The following POMGNT1 variants were observed in gnomAD, a reference collection of about 807,000 sequenced individuals.
POMGNT1 encodes the protein protein O-linked mannose N-acetylglucosaminyltransferase 1 (beta 1,2-), also known as protein O-linked-mannose beta-1,2-N-acetylglucosaminyltransferase 1.
POMGNT1 carries 67 observed loss-of-function variants against 95.6 expected under a neutral mutation model. The observed-to-expected ratio is 0.70, with a 90% CI of 0.58 to 0.86. The LOEUF is 0.86. Among genes scored for constraint, POMGNT1 ranks in the 40% least tolerant of loss-of-function variants. POMGNT1 has a pLI of 0.00. For missense variants in POMGNT1, 719 were observed against 855.2 expected (o/e 0.84, Z 1.99); for synonymous variants, 298 against 317.9 (o/e 0.94, Z 0.66).
chr1:46,196,684 C>T lies in POMGNT1; in HGVS notation c.354+47G>A, dbSNP rs1055863201. The T allele has an allele frequency of 3.1e-6, 5 of 1,613,352 alleles. No homozygotes were observed. The African/African-American group carries it at 5.3e-5, about 17-fold the overall frequency. ...TAGACCCTGCTGCCAGTGGACCATGCCCTGAGCAGAATAGAGTGACTGTAC... is the reference window on the plus strand; with the variant it reads ...TAGACCCTGCTGCCAGTGGACCATGTCCTGAGCAGAATAGAGTGACTGTAC... On this transcript the variant is annotated intron_variant, in intron 4 of 21. Transcript: ENST00000371984. This position sits in a 1 kb window ranked among gnomAD's most constrained non-coding sequence, Gnocchi z 4.4.
At position 46,189,880 on chromosome 1, in the gene POMGNT1, A is replaced by T. The variant is rs768656233; in HGVS notation, c.1759T>A (p.Phe587Ile). 1 of 1,613,940 alleles carries T rather than the reference A, an allele frequency of 6.2e-7. No homozygotes were observed. The highest frequency in any genetic ancestry group is 1.1e-5 in the South Asian group (1 of 90,954). The part of the protein sequence containing the change: ...AFIRMEKDDD[F>I]TTWTQLAKCL... ...TTGGCAAGCTGGGTCCAGGTGGTGA[A>T]GTCATCATCTTTCTCCATTCGAATA... is the stretch of plus-strand genomic sequence containing the variant. The change falls in exon 20 of 22, where the codon TTC becomes ATC. Residue 587 changes from phenylalanine (F) to isoleucine (I), a missense_variant. Physicochemically the swap from Phe to Ile is conservative, Grantham distance 21. This residue lies in a region of POMGNT1 where 130 missense variants were observed against 149.2 expected (regional missense o/e 0.87). Transcript: ENST00000371984.
Position 46,211,074 on chromosome 1 carries a change from C to T in POMGNT1, c.-51+8631G>A, listed in dbSNP as rs558722233. ...GGATTACAGGCTTAAGCCACTGTGC[C>T]TGGTCCTTTGGGCCTTTTAAAGAGA... On this transcript the variant is annotated intron_variant, in intron 1 of 22. Transcript: ENST00000371992. 3.6e-4 allele frequency among the ~76,000 whole-genome samples: 55 copies of T among 152,200 alleles called. 1 individual carries two copies. The highest frequency in any genetic ancestry group is 1.3e-3 in the African/African-American group (53 of 41,520).
At chr1:46,204,242 C>G (rs1658642914) in intron 1 of POMGNT1, among the ~76,000 whole-genome samples, 1 of 152,220 alleles carries the variant, frequency 6.6e-6, no homozygotes, top group South Asian at 2.1e-4. Flanking sequence ...TCGCCTCAGA[C>G]TCAGTCTCCT....
rs1657524869 is a variant in POMGNT1, at chr1:46,188,928, T to G, written c.*342A>C. 6.2e-7 allele frequency: 1 copy of G among 1,612,728 alleles called. No homozygotes were observed. Among genetic ancestry groups the G allele is most frequent in the African/African-American group, 1.3e-5 (1 of 74,918 alleles). On this transcript the variant is annotated 3_prime_UTR_variant, in exon 22 of 22. Coordinates refer to ENST00000371984, the MANE Select transcript of POMGNT1 (RefSeq NM_017739.4). Reference sequence around the variant, plus strand: ...AAATCCAGGCCCTCCAGGTTCGGCCTGTTTTCAAGGCCCTCAGGACAGTCA... The same window carrying G: ...AAATCCAGGCCCTCCAGGTTCGGCCGGTTTTCAAGGCCCTCAGGACAGTCA...
At chr1:46,212,426 G>A (rs1200749909) in intron 1 of POMGNT1, among the ~76,000 whole-genome samples, 1 of 150,242 alleles carries the variant, frequency 6.7e-6, no homozygotes, top group African/African-American at 2.5e-5. Context: ...GACTACAGGC[G>A]TACACTGCCA....
chr1:46,204,992 T>G (rs1464600820), intron 1 of POMGNT1, among the ~76,000 whole-genome samples: 1 of 152,076 alleles, frequency 6.6e-6, no homozygotes, highest in African/African-American at 2.4e-5. Flanking sequence ...GCATGGTGGC[T>G]CACGCCTGTA....
intron 1 of POMGNT1, among the ~76,000 whole-genome samples, chr1:46,210,524 CT>C (rs1658859489): frequency 1.3e-5 from 2 of 152,160 alleles, no homozygotes; most frequent in Non-Finnish European, 2.9e-5. Context: ...GCCTCCTGAC[CT>C]TCTGACCAAC....
At chr1:46,203,291 GCGCCCTCCTCCCGCCCC>G, upstream of POMGNT1, 1 of 550,304 alleles carries the variant, frequency 1.8e-6, no homozygotes, top group Non-Finnish European at 3.0e-6. Flanking sequence ...GAGTGTTACG[GCGCCCTCCTCCCGCCCC>G]CGCGCCGCGC....
chr1:46,197,649 G>T (rs1571672263), intron 2 of POMGNT1, 53 bp downstream of exon 2: 2 of 1,611,004 alleles, frequency 1.2e-6, no homozygotes, highest in South Asian at 2.2e-5. Flanking sequence ...ATTTAGGTGG[G>T]GAGGAAGCTG....
intron 1 of POMGNT1, among the ~76,000 whole-genome samples, chr1:46,206,255 T>G (rs1408586161): frequency 6.6e-6 from 1 of 152,166 alleles, no homozygotes; most frequent in Non-Finnish European, 1.5e-5. Context: ...GGCCTCAGTT[T>G]TTCCTCCTTT....
chr1:46,193,440 C>A, intron 11 of POMGNT1, 52 bp from the exon 12 acceptor site: 1 of 1,604,936 alleles, frequency 6.2e-7, no homozygotes, highest in Non-Finnish European at 8.5e-7. Flanking sequence ...CCTCTGCCCA[C>A]CTCTGCAATC....
At chr1:46,216,136 C>T (rs2148251657) in intron 1 of POMGNT1, among the ~76,000 whole-genome samples, 2 of 150,570 alleles carry the variant, frequency 1.3e-5, no homozygotes, top group East Asian at 3.9e-4. Context: ...AGGCTCCGCC[C>T]CCCAGGTTCA....
chr1:46,213,727 A>T (rs1351483038), intron 1 of POMGNT1, among the ~76,000 whole-genome samples: 2 of 152,020 alleles, frequency 1.3e-5, no homozygotes, highest in Non-Finnish European at 2.9e-5. Context: ...CTCTACAAAA[A>T]CTTTAAAAAG....
chr1:46,212,386 T>G (rs1288644140), intron 1 of POMGNT1, among the ~76,000 whole-genome samples: 1 of 151,734 alleles, frequency 6.6e-6, no homozygotes, highest in African/African-American at 2.4e-5. Context: ...GTTCATGCCA[T>G]TCTCCTGCCT....
intron 17 of POMGNT1, 38 bp from the exon 18 acceptor site, chr1:46,190,822 T>C: frequency 2.6e-6 from 4 of 1,560,570 alleles, no homozygotes; most frequent in Non-Finnish European, 3.5e-6. Context: ...GCACCTCACA[T>C]TGTCTGGCCC....
In POMGNT1 at chr1:46,193,868, T is replaced by G. The variant is rs775687430; in HGVS notation, c.937A>C (p.Asn313His). ...PVAVIAGNRP[N>H]YLYRMLRSLL... ...TCCCAGGCTTACCTGTACAGGTAAT[T>G]GGGTCGGTTCCCTGCAATGACAGCC... is the stretch of plus-strand genomic sequence containing the variant. The change falls in exon 10 of 22, where the codon AAT becomes CAT. Residue 313 changes from asparagine (N) to histidine (H), a missense_variant. By Grantham distance (68) the Asn-to-His change is moderately conservative. Coordinates refer to ENST00000371984, the MANE Select transcript of POMGNT1 (RefSeq NM_017739.4). 2.5e-6 allele frequency: 4 copies of G among 1,614,100 alleles called. No individual in the cohort carries two copies. The Admixed American group carries it at 6.7e-5, about 27-fold the overall frequency.
At chr1:46,193,496 C>G in intron 11 of POMGNT1, 68 bp downstream of exon 11, 1 of 1,613,168 alleles carries the variant, frequency 6.2e-7, no homozygotes, top group Non-Finnish European at 8.5e-7. Flanking sequence ...GTCTCCCTTG[C>G]CCGTCCCTGG....
chr1:46,217,688 C>G (rs1396294985), intron 1 of POMGNT1, among the ~76,000 whole-genome samples: 2 of 152,048 alleles, frequency 1.3e-5, no homozygotes, highest in South Asian at 2.1e-4. Context: ...GATGCCCTGT[C>G]TCTACTAAAA....
At position 46,189,317 on chromosome 1, in the gene POMGNT1, G is replaced by A. The variant is rs1442072528; in HGVS notation, c.1936C>T (p.Pro646Ser). 5.0e-6 allele frequency: 8 copies of A among 1,613,820 alleles called. No individual in the cohort carries two copies. Among genetic ancestry groups the A allele is most frequent in the Non-Finnish European group, 5.9e-6 (7 of 1,179,972 alleles). ...GGGGCTCCCTCCTCCTTTGGGGGTG[G>A]CTCCAGGAAAATTGGGGTGACTGAG... ...PPSVTPIFLE[P>S]PPKEEGAPGA... The change falls in exon 22 of 22, where the codon CCA becomes TCA. Residue 646 changes from proline (P) to serine (S), a missense_variant. Pro to Ser is a moderately conservative substitution (Grantham distance 74). This residue lies in a region of POMGNT1 where 130 missense variants were observed against 149.2 expected (regional missense o/e 0.87). Transcript: ENST00000371984.
Sources: gnomAD v4.1 joint callset for allele counts (sites outside exome capture counted in the v4.1 genomes callset) on GRCh38, gnomAD v4.1.1 for gene constraint, gnomAD v4.1.1 regional missense constraint, Gnocchi (gnomAD v3.1) non-coding constraint, MANE v1.5 for transcripts, NCBI Gene and HGNC (gene_info 2026-07-23, HGNC 2026-07-21) for gene names.